ZNF624: variants seen among roughly 807,000 people sequenced by gnomAD.
ZNF624 encodes zinc finger protein 624.
In ZNF624, 43 loss-of-function variants were observed where a neutral mutation model predicts 74.7. That is an observed-to-expected ratio of 0.58 (90% confidence interval 0.45 to 0.74). ZNF624 has a LOEUF of 0.74. ZNF624 is among the 30% of genes least tolerant of loss of function. The pLI, the probability that ZNF624 is intolerant of heterozygous loss-of-function variation, is 0.00. For synonymous variants in ZNF624, 331 were observed against 341.3 expected, an observed-to-expected ratio of 0.97 and a Z score of 0.33; for missense variants, 820 against 1,030.0, an observed-to-expected ratio of 0.80 and a Z score of 2.79.
At chr17:16,641,880 G>A (rs1188597017) in intron 3 of ZNF624, among the ~76,000 whole-genome samples, 1 of 151,988 alleles carries the variant, frequency 6.6e-6, no homozygotes, top group Non-Finnish European at 1.5e-5. Context: ...ATTTCAAAAG[G>A]AAATTAAGAA....
chr17:16,616,264 G>C (rs1285423829), downstream of ZNF624, among the ~76,000 whole-genome samples: 1 of 151,654 alleles, frequency 6.6e-6, no homozygotes, highest in Admixed American at 6.6e-5. Context: ...GCTGGTCTGA[G>C]GCTTGCCTTG....
At chr17:16,653,611 G>A (rs2142679809) in intron 1 of ZNF624, 153 bp downstream of exon 1, 1 of 152,740 alleles carries the variant, frequency 6.5e-6, no homozygotes, top group East Asian at 1.9e-4. Flanking sequence ...ACTCGGGAAG[G>A]AGGCCCAGCC....
At position 16,624,439 on chromosome 17, in the gene ZNF624, C is replaced by T; in HGVS notation, c.447G>A (p.Glu149=). Residue 149 remains glutamate, a synonymous_variant, in exon 6 of 6, where the codon GAG becomes GAA. Coordinates refer to ENST00000311331, the MANE Select transcript of ZNF624 (RefSeq NM_020787.4). ...TKAISEDLSQ[E]AILEKLTENG... Reference sequence around the variant, plus strand: ...TCTCTGTAAGTTTCTCTAGTATGGCCTCCTGTGATAAATCTTCAGAAATAG... The same window carrying T: ...TCTCTGTAAGTTTCTCTAGTATGGCTTCCTGTGATAAATCTTCAGAAATAG... 6.2e-7 allele frequency: 1 copy of T among 1,607,154 alleles called. No homozygotes were observed. The highest frequency in any genetic ancestry group is 8.5e-7 in the Non-Finnish European group (1 of 1,178,078).
In ZNF624 at chr17:16,622,517, A is replaced by G; in HGVS notation, c.2369T>C (p.Ile790Thr). Reference sequence around the variant, plus strand: ...ATGTAGGGTTAGCTGTGATAGAGTAATACAACCCTTTCCACATTCCTTACA... The same window carrying G: ...ATGTAGGGTTAGCTGTGATAGAGTAGTACAACCCTTTCCACATTCCTTACA... ...YTCKECGKGC[I>T]TLSQLTLHQR... is the part of the protein sequence containing the mutation. The change falls in exon 6 of 6, where the codon ATT (isoleucine) becomes ACT (threonine). Residue 790 changes from isoleucine to threonine, a missense_variant. By Grantham distance (89) the Ile-to-Thr change is moderately conservative. Transcript: ENST00000311331. 6.2e-7 allele frequency: 1 copy of G among 1,613,872 alleles called. No individual in the cohort carries two copies. The highest frequency in any genetic ancestry group is 1.1e-5 in the South Asian group (1 of 91,068).
At chr17:16,639,315 C>T (rs1909413462) in intron 3 of ZNF624, among the ~76,000 whole-genome samples, 5 of 152,030 alleles carry the variant, frequency 3.3e-5, no homozygotes, top group Admixed American at 3.3e-4. Flanking sequence ...ATATATATCC[C>T]TTTGTAGTTT....
At position 16,653,786 on chromosome 17, in the gene ZNF624, CTG is replaced by C. The variant is rs1250050637; in HGVS notation, c.-27_-26del. The C allele has an allele frequency of 6.5e-6, 1 of 152,752 alleles. No homozygotes were observed. The highest frequency in any genetic ancestry group is 2.4e-5 in the African/African-American group (1 of 41,478). 9.5% of individuals were successfully genotyped at this position (152,752 alleles called of 1,614,324 possible). A position where few individuals can be genotyped will look rare whatever the true frequency, so the allele number is the denominator to read the frequency against. ...TACCTGGCGGCCGAACTGAGGACAA[CTG>C]AGGGAACTCGCAGAGCAGGGCGGGA... On this transcript the variant is annotated 5_prime_UTR_variant, in exon 1 of 6. Transcript: ENST00000311331.
At chr17:16,633,818 G>A in intron 5 of ZNF624, 44 bp downstream of exon 5, 1 of 1,459,376 alleles carries the variant, frequency 6.9e-7, no homozygotes, top group Non-Finnish European at 9.6e-7. Context: ...CCTATAGTCT[G>A]TTACTTCAAA....
intron 3 of ZNF624, among the ~76,000 whole-genome samples, chr17:16,639,983 T>C (rs1488344431): frequency 6.6e-6 from 1 of 152,222 alleles, no homozygotes; most frequent in Non-Finnish European, 1.5e-5. Flanking sequence ...AGTCAAGACA[T>C]TGTACTTATT....
intron 1 of ZNF624, among the ~76,000 whole-genome samples, chr17:16,652,335 C>T (rs1909745520): frequency 6.6e-6 from 1 of 152,032 alleles, no homozygotes; most frequent in Non-Finnish European, 1.5e-5. Context: ...TGCCCCATCC[C>T]GCAACCCCCG....
chr17:16,617,119 C>A (rs4792757), downstream of ZNF624: 4 of 1,612,622 alleles, frequency 2.5e-6, no homozygotes, highest in Admixed American at 3.3e-5. Flanking sequence ...ATGGGAGCCC[C>A]GATCAGACTT....
At chr17:16,616,394 T>G (rs549005834), downstream of ZNF624, among the ~76,000 whole-genome samples, 1 of 152,312 alleles carries the variant, frequency 6.6e-6, no homozygotes, top group Non-Finnish European at 1.5e-5. Context: ...TATTTAAATC[T>G]TACATAACTC....
Position 16,623,805 on chromosome 17 carries a change from G to T in ZNF624, c.1081C>A (p.Gln361Lys). 6.2e-7 allele frequency: 1 copy of T among 1,613,976 alleles called. No individual in the cohort carries two copies. The highest frequency in any genetic ancestry group is 2.2e-5 in the East Asian group (1 of 44,864). Reference protein sequence around the residue: ...QRIHTKEKPYQCNVCGKSFSQ... With the variant: ...QRIHTKEKPYKCNVCGKSFSQ... The stretch of plus-strand genomic sequence containing the variant: ...AAAGATTTCCCACACACATTACACT[G>T]ATAAGGTTTCTCTTTAGTGTGAATT... Residue 361 changes from glutamine to lysine, a missense_variant, in exon 6 of 6, where the codon CAG (glutamine) becomes AAG (lysine). By Grantham distance (53) the Gln-to-Lys change is moderately conservative. Transcript: ENST00000311331. This position sits in a 1 kb window ranked among gnomAD's most constrained non-coding sequence, Gnocchi z 5.3.
intron 5 of ZNF624, among the ~76,000 whole-genome samples, chr17:16,632,416 T>C (rs1427933269): frequency 6.6e-6 from 1 of 152,200 alleles, no homozygotes; most frequent in East Asian, 1.9e-4. Context: ...AAAACAAGTA[T>C]TTTTTCTTGA....
Position 16,622,057 on chromosome 17 carries a change from A to C in ZNF624, c.*231T>G, listed in dbSNP as rs1314133528. The stretch of plus-strand genomic sequence containing the variant: ...ACTAAAGATAATTTGTTAAATGAGT[A>C]AAGTATGAAATCTGGATGAACACTT... On this transcript the variant is annotated 3_prime_UTR_variant, in exon 6 of 6. Coordinates refer to ENST00000311331, the MANE Select transcript of ZNF624 (RefSeq NM_020787.4). 3.0e-6 allele frequency: 1 copy of C among 332,426 alleles called. No homozygotes were observed. The highest frequency in any genetic ancestry group is 4.3e-5 in the Admixed American group (1 of 23,376). The allele number at this position is 332,426 out of a possible 1,614,324, so 20.6% of individuals were successfully genotyped here. A position where few individuals can be genotyped will look rare whatever the true frequency, so the allele number is the denominator to read the frequency against.
Position 16,622,514 on chromosome 17 carries a change from G to A in ZNF624, c.2372C>T (p.Thr791Ile). 6.2e-7 allele frequency: 1 copy of A among 1,613,896 alleles called. No individual in the cohort carries two copies. The highest frequency in any genetic ancestry group is 1.1e-5 in the South Asian group (1 of 91,072). Residue 791 changes from threonine to isoleucine, a missense_variant, in exon 6 of 6, where the codon ACT (threonine) becomes ATT (isoleucine). Physicochemically the swap from Thr to Ile is moderately conservative, Grantham distance 89. Transcript: ENST00000311331. ...CTGATGTAGGGTTAGCTGTGATAGA[G>A]TAATACAACCCTTTCCACATTCCTT... ...TCKECGKGCI[T>I]LSQLTLHQRI... is the part of the protein sequence containing the mutation.
At chr17:16,629,807 C>T (rs1013453568) in intron 5 of ZNF624, among the ~76,000 whole-genome samples, 1 of 152,160 alleles carries the variant, frequency 6.6e-6, no homozygotes, top group African/African-American at 2.4e-5. Context: ...CCTCCAGTGC[C>T]TGCCTTGGCC....
downstream of ZNF624, among the ~76,000 whole-genome samples, chr17:16,618,654 C>T (rs1908838788): frequency 6.6e-6 from 1 of 151,466 alleles, no homozygotes. Context: ...CTACCTCTGC[C>T]ACTTGAGACA....
chr17:16,625,606 A>C (rs375744562), intron 5 of ZNF624, among the ~76,000 whole-genome samples: 1 of 152,224 alleles, frequency 6.6e-6, no homozygotes, highest in Non-Finnish European at 1.5e-5. Flanking sequence ...ATGGAAAAAA[A>C]ACTTTGATTT....
At chr17:16,644,261 C>T (rs186613148) in intron 3 of ZNF624, among the ~76,000 whole-genome samples, 103 of 152,288 alleles carry the variant, frequency 6.8e-4, no homozygotes, top group Non-Finnish European at 1.2e-3. Flanking sequence ...GCAACAAACA[C>T]ACTAAAACAA....
Sources: gnomAD v4.1 joint callset for allele counts (sites outside exome capture counted in the v4.1 genomes callset) on GRCh38, gnomAD v4.1.1 for gene constraint, Gnocchi (gnomAD v3.1) non-coding constraint, MANE v1.5 for transcripts, NCBI Gene and HGNC (gene_info 2026-07-23, HGNC 2026-07-21) for gene names.